The following MUC4 variants were observed in gnomAD, a reference collection of about 807,000 sequenced individuals.
MUC4 encodes the protein mucin-4.
Under a neutral mutation model 257.9 loss-of-function variants are expected in MUC4, and 202 were observed. The observed-to-expected ratio is 0.78, with a 90% CI of 0.70 to 0.88. MUC4 has a LOEUF of 0.88. Among genes scored for constraint, MUC4 ranks in the 40% least tolerant of loss-of-function variants. The pLI, the probability that MUC4 is intolerant of heterozygous loss-of-function variation, is 0.00. For missense variants in MUC4, 5,976 were observed against 6,513.7 expected (o/e 0.92, Z 2.84); for synonymous variants, 2,351 against 2,757.1 (o/e 0.85, Z 4.62).
intron 1 of MUC4, among the ~76,000 whole-genome samples, chr3:195,803,784 G>A (rs60815442): frequency 0.044 from 6,759 of 152,274 alleles, 508 homozygotes; most frequent in African/African-American, 0.15. Context: ...CGGAAGCTGC[G>A]AGCTGCTCAG....
intron 18 of MUC4, among the ~76,000 whole-genome samples, chr3:195,756,455 G>A (rs2148777439): frequency 6.6e-6 from 1 of 152,340 alleles, no homozygotes; most frequent in South Asian, 2.1e-4. Context: ...CAGAAGGGGA[G>A]GTGGGAGATA....
intron 1 of MUC4, among the ~76,000 whole-genome samples, chr3:195,806,251 C>T (rs886991445): frequency 3.9e-5 from 6 of 152,220 alleles, no homozygotes; most frequent in African/African-American, 9.6e-5. Context: ...CCATGAGCTC[C>T]GCCTCTGCCT....
chr3:195,769,228 T>C, intron 6 of MUC4, 76 bp from the exon 7 acceptor site: 3 of 1,562,720 alleles, frequency 1.9e-6, no homozygotes, highest in Non-Finnish European at 1.7e-6. Context: ...CCCCCGCCCG[T>C]CCCACAGCCC....
chr3:195,757,349 A>C lies in MUC4; in HGVS notation c.14987-21T>G. 9 of 1,579,442 alleles carry C rather than the reference A, an allele frequency of 5.7e-6. No individual in the cohort carries two copies. The highest frequency in any genetic ancestry group is 7.8e-6 in the Non-Finnish European group (9 of 1,153,834). On this transcript the variant is annotated intron_variant, in intron 17 of 24. Coordinates refer to ENST00000463781, the MANE Select transcript of MUC4 (RefSeq NM_018406.7). This position sits in a 1 kb window ranked among gnomAD's most constrained non-coding sequence, Gnocchi z 4.8. ...ATTCTCTGCCCCGGGGAAGATGAGA[A>C]TGTTGAGAGCTGGGAGACTCCTCGG...
At chr3:195,774,793 G>A (rs929214232) in intron 3 of MUC4, among the ~76,000 whole-genome samples, 7 of 151,784 alleles carry the variant, frequency 4.6e-5, no homozygotes, top group Non-Finnish European at 7.4e-5. Context: ...CCAGCCACTC[G>A]GGAGGCTGAG....
In MUC4 at chr3:195,788,531, C is replaced by G. The variant is rs1446085908; in HGVS notation, c.3049G>C (p.Val1017Leu). Reference protein sequence around the residue: ...TPLPVTSPSSVSTGHTTPLPV... With the variant: ...TPLPVTSPSSLSTGHTTPLPV... The stretch of plus-strand genomic sequence containing the variant: ...AGAGGGGTGGTGTGACCTGTGGATA[C>G]TGAGGAAGGGCTGGTGACAGGAAGA... The change falls in exon 2 of 25, where the codon GTA becomes CTA. Residue 1017 changes from valine (V) to leucine (L), a missense_variant. This residue lies in a region of MUC4 where 1,583 missense variants were observed against 1,257.4 expected (regional missense o/e 1.26). Transcript: ENST00000463781. 4.1e-6 allele frequency: 6 copies of G among 1,470,536 alleles called. No homozygotes were observed. The highest frequency in any genetic ancestry group is 2.5e-5 in the East Asian group (1 of 39,508). The allele number at this position is 1,470,536 out of a possible 1,614,324, so 91.1% of individuals were successfully genotyped here. A position where few individuals can be genotyped will look rare whatever the true frequency, so the allele number is the denominator to read the frequency against.
chr3:195,774,922 A>G (rs73205733), intron 3 of MUC4, among the ~76,000 whole-genome samples: 11,744 of 149,738 alleles, frequency 0.078, 570 homozygotes, highest in Middle Eastern at 0.22. Context: ...AAAAAAATAG[A>G]CAAAAGTCCA....
Position 195,789,219 on chromosome 3 carries a change from G to T in MUC4, c.2361C>A (p.Thr787=). The part of the protein sequence containing the change: ...ESTEASGQTQ[T]SEPASSGSRT... Reference sequence around the variant, plus strand: ...GTGACCCTGAGGAGGCCGGTTCGCTGGTCTGTGTTTGTCCAGAGGCCTCTG... The same window carrying T: ...GTGACCCTGAGGAGGCCGGTTCGCTTGTCTGTGTTTGTCCAGAGGCCTCTG... The change falls in exon 2 of 25, where the codon ACC becomes ACA. Residue 787 remains threonine, a synonymous_variant. Transcript: ENST00000463781. 6.2e-7 allele frequency: 1 copy of T among 1,613,918 alleles called. No homozygotes were observed. The highest frequency in any genetic ancestry group is 1.1e-5 in the South Asian group (1 of 91,078).
In MUC4 at chr3:195,750,949, G is replaced by A; in HGVS notation, c.15811C>T (p.Pro5271Ser). ...GGCTGGAAGACCACGTCGTTCCTGG[G>A]CTCCTCACTCCTCCGTGGAACGTGG... ...LYHVPRRSEEPRNDVVFQPIS... is the reference protein window; with the variant it reads ...LYHVPRRSEESRNDVVFQPIS... Residue 5271 changes from proline (P) to serine (S), a missense_variant, in exon 23 of 25, where the codon CCC (proline) becomes TCC (serine). This residue lies in a region of MUC4 where 310 missense variants were observed against 242.1 expected (regional missense o/e 1.28). Coordinates refer to ENST00000463781, the MANE Select transcript of MUC4 (RefSeq NM_018406.7). 1 of 1,614,050 alleles carries A rather than the reference G, an allele frequency of 6.2e-7. No individual in the cohort carries two copies. The highest frequency in any genetic ancestry group is 1.7e-5 in the Admixed American group (1 of 60,012).
At position 195,770,385 on chromosome 3, in the gene MUC4, G is replaced by A; in HGVS notation, c.13243-14C>T. The stretch of plus-strand genomic sequence containing the variant: ...CGTCTCGTATTCCTAGGAAAGGAGG[G>A]CAGATGAAAACAAGCCAACGAGGGT... On this transcript the variant is annotated splice_polypyrimidine_tract_variant and intron_variant, in intron 5 of 24. Coordinates refer to ENST00000463781, the MANE Select transcript of MUC4 (RefSeq NM_018406.7). The A allele has an allele frequency of 6.2e-7, 1 of 1,613,222 alleles. No individual in the cohort carries two copies.
Position 195,790,880 on chromosome 3 carries a change from T to A in MUC4, c.700A>T (p.Thr234Ser). The A allele has an allele frequency of 6.2e-7, 1 of 1,614,000 alleles. No homozygotes were observed. Among genetic ancestry groups the A allele is most frequent in the Non-Finnish European group, 8.5e-7 (1 of 1,179,894 alleles). ...FSPSVHNVTG[T>S]VSQKTSPSGE... Reference sequence around the variant, plus strand: ...GAAGGAGATGTCTTCTGAGAAACAGTCCCTGTCACATTGTGTACACTTGGA... The same window carrying A: ...GAAGGAGATGTCTTCTGAGAAACAGACCCTGTCACATTGTGTACACTTGGA... Residue 234 changes from threonine (T) to serine (S), a missense_variant, in exon 2 of 25, where the codon ACT becomes TCT. By Grantham distance (58) the Thr-to-Ser change is moderately conservative. Transcript: ENST00000463781.
At chr3:195,765,197 T>C in intron 9 of MUC4, 73 bp downstream of exon 9, 1 of 1,586,086 alleles carries the variant, frequency 6.3e-7, no homozygotes, top group South Asian at 1.1e-5. Flanking sequence ...AGGGGCTGTT[T>C]CTGGGGAGAG....
At chr3:195,772,810 G>GGGTGTGGACACCCTCTCCATCTCTCAGA (rs1723325242) in intron 4 of MUC4, among the ~76,000 whole-genome samples, 4 of 136,810 alleles carry the variant, frequency 2.9e-5, no homozygotes, top group Admixed American at 1.5e-4. Context: ...CATCGCTCAG[G>GGGTGTGGACACCCTCTCCATCTCTCAGA]GGTGTAGACA....
At chr3:195,801,943 C>G (rs1206918503) in intron 1 of MUC4, among the ~76,000 whole-genome samples, 4 of 152,226 alleles carry the variant, frequency 2.6e-5, no homozygotes, top group East Asian at 1.9e-4. Flanking sequence ...TGCCACCTCT[C>G]TCCCCCGCTC....
chr3:195,763,955 C>A (rs772397712), intron 11 of MUC4, 90 bp downstream of exon 11: 38 of 1,475,316 alleles, frequency 2.6e-5, no homozygotes, highest in Non-Finnish European at 3.3e-5. Flanking sequence ...CACAGCTCTG[C>A]CCCTACTCCT....
At chr3:195,764,971 G>A (rs1190876710) in intron 10 of MUC4, 26 bp downstream of exon 10, 2 of 1,610,338 alleles carry the variant, frequency 1.2e-6, no homozygotes, top group Admixed American at 1.7e-5. Context: ...CCGGGAAGGT[G>A]GGGTTGAGAT....
Position 195,746,969 on chromosome 3 carries a change from C to A in MUC4, c.*207G>T. On this transcript the variant is annotated 3_prime_UTR_variant, in exon 25 of 25. Transcript: ENST00000463781. Reference sequence around the variant, plus strand: ...GTGTCTGCGTGAGGACCCATCCATGCATGTTTGATCTTTATGGCCTCCCCC... The same window carrying A: ...GTGTCTGCGTGAGGACCCATCCATGAATGTTTGATCTTTATGGCCTCCCCC... 1.4e-6 allele frequency: 1 copy of A among 723,404 alleles called. No homozygotes were observed. 44.8% of individuals were successfully genotyped at this position (723,404 alleles called of 1,614,324 possible).
rs186431954 is a variant in MUC4, at chr3:195,773,424, C to A, written c.13077+748G>T. On this transcript the variant is annotated intron_variant, in intron 4 of 24. Transcript: ENST00000463781. ...ATCTCCATCACTTAGGGGGTGGAAA[C>A]CTCTCTCTCACTCAGCAGGTGTGGA... Among the ~76,000 whole-genome samples, 82 of 150,776 alleles carry A rather than the reference C, an allele frequency of 5.4e-4. 2 individuals carry two copies. The East Asian group carries it at 0.013, about 24-fold the overall frequency.
chr3:195,792,411 C>G (rs1733977502), intron 1 of MUC4, among the ~76,000 whole-genome samples: 1 of 152,192 alleles, frequency 6.6e-6, no homozygotes, highest in Non-Finnish European at 1.5e-5. Flanking sequence ...TAGAGAAATG[C>G]AAATCAAAAC....
Sources: allele counts gnomAD v4.1 joint callset (sites outside exome capture counted in the v4.1 genomes callset), GRCh38; gene constraint gnomAD v4.1.1; regional missense constraint gnomAD v4.1.1; non-coding constraint Gnocchi (gnomAD v3.1); transcripts MANE v1.5; gene names NCBI Gene and HGNC (gene_info 2026-07-23, HGNC 2026-07-21).